Variants in FBXO10 observed in about 807,000 individuals in gnomAD.
The protein encoded by FBXO10 is F-box protein 10, also known as F-box only protein 10.
FBXO10 carries 39 observed loss-of-function variants against 80.7 expected under a neutral mutation model. The observed-to-expected ratio is 0.48, with a 90% CI of 0.37 to 0.63. The LOEUF is 0.63. FBXO10 is among the 30% of genes least tolerant of loss of function. The pLI is 0.00. For synonymous variants in FBXO10, 449 were observed against 489.6 expected (o/e 0.92, Z 1.09); for missense variants, 1,025 against 1,269.0 (o/e 0.81, Z 2.92).
chr9:37,512,599 C>T lies in FBXO10; in HGVS notation c.2819G>A (p.Arg940Gln), dbSNP rs202085012. 64 of 1,613,984 alleles carry T rather than the reference C, an allele frequency of 4.0e-5. No homozygotes were observed. Among genetic ancestry groups the T allele is most frequent in the Admixed American group, 3.2e-4 (19 of 60,028 alleles). ...VTAMATRITA[R>Q]VEGGYHSNRS... ...GTTGCTGTGGTAACCACCTTCCACC[C>T]GGGCTGTGATCCTCGTTGCCATGGC... Residue 940 changes from arginine to glutamine, a missense_variant, in exon 11 of 11, where the codon CGG becomes CAG. Coordinates refer to ENST00000432825, the MANE Select transcript of FBXO10 (RefSeq NM_012166.3).
At chr9:37,548,542 T>G (rs1822114545) in intron 1 of FBXO10, among the ~76,000 whole-genome samples, 2 of 152,194 alleles carry the variant, frequency 1.3e-5, no homozygotes, top group Non-Finnish European at 2.9e-5. Flanking sequence ...CCTTGGTTAA[T>G]AACACCATCA....
intron 4 of FBXO10, 76 bp from the exon 5 acceptor site, chr9:37,529,336 A>C: frequency 6.7e-7 from 1 of 1,490,608 alleles, no homozygotes; most frequent in Admixed American, 2.0e-5. Context: ...TGCCGCCCAC[A>C]CCTCCGCGGC....
Position 37,548,016 on chromosome 9 carries a change from G to A in FBXO10, c.-6-6242C>T, listed in dbSNP as rs367628286. Among the ~76,000 whole-genome samples, 15 of 152,204 alleles carry A rather than the reference G, an allele frequency of 9.9e-5. 2 individuals are homozygous for A. The highest frequency in any genetic ancestry group is 2.4e-4 in the African/African-American group (10 of 41,544). Reference sequence around the variant, plus strand: ...GTGGAGATTAACTGGAAGGGGTTACGAGGGAACTTTAGGGTGAAGGAAATG... The same window carrying A: ...GTGGAGATTAACTGGAAGGGGTTACAAGGGAACTTTAGGGTGAAGGAAATG... On this transcript the variant is annotated intron_variant, in intron 1 of 10. Coordinates refer to ENST00000432825, the MANE Select transcript of FBXO10 (RefSeq NM_012166.3).
At chr9:37,559,238 T>C (rs542809392) in intron 1 of FBXO10, among the ~76,000 whole-genome samples, 2 of 152,312 alleles carry the variant, frequency 1.3e-5, no homozygotes, top group Admixed American at 6.5e-5. Context: ...ACCTCCAGAA[T>C]CAGAATCTCT....
At chr9:37,535,756 G>C (rs1441819386) in intron 3 of FBXO10, among the ~76,000 whole-genome samples, 1 of 152,182 alleles carries the variant, frequency 6.6e-6, no homozygotes, top group Non-Finnish European at 1.5e-5. Flanking sequence ...ACAGCCTTCT[G>C]TGGGGGAGCA....
rs764340788 is a variant in FBXO10 at position 37,521,581 on chromosome 9, T to C, written c.2188A>G (p.Asn730Asp). 3.1e-6 allele frequency: 5 copies of C among 1,610,936 alleles called. No homozygotes were observed. The Admixed American group carries it at 8.4e-5, about 27-fold the overall frequency. The part of the protein sequence containing the change: ...TIALVESNSI[N>D]HNGASGLYVQ... ...GGGGTATACTCACCTCCATTGTGAT[T>C]AATACTGTTAGACTCAACAAGAGCT... is the stretch of plus-strand genomic sequence containing the variant. The change falls in exon 8 of 11, where the codon AAT becomes GAT. Residue 730 changes from asparagine to aspartate, a missense_variant. Transcript: ENST00000432825.
intron 2 of FBXO10, 91 bp from the exon 3 acceptor site, chr9:37,538,034 G>T: frequency 1.0e-6 from 1 of 1,004,036 alleles, no homozygotes; most frequent in Non-Finnish European, 1.5e-6. Context: ...ACATGGAAAG[G>T]CCATTTGTTC....
At chr9:37,559,129 C>A (rs1263121041) in intron 1 of FBXO10, among the ~76,000 whole-genome samples, 6 of 152,162 alleles carry the variant, frequency 3.9e-5, no homozygotes, top group Non-Finnish European at 2.9e-5. Context: ...AATCTTTAAG[C>A]CAGACTTAGT....
At chr9:37,541,873 G>C in intron 1 of FBXO10, 99 bp from the exon 2 acceptor site, 1 of 1,025,816 alleles carries the variant, frequency 9.7e-7, no homozygotes, top group Non-Finnish European at 1.4e-6. Flanking sequence ...TTCTTGCCCA[G>C]GCTGGAGTGC....
rs1380160573 is a variant in FBXO10, at chr9:37,542,127, C to T, written c.-6-353G>A. 3.3e-5 allele frequency among the ~76,000 whole-genome samples: 5 copies of T among 152,106 alleles called. 1 individual carries two copies. The highest frequency in any genetic ancestry group is 4.8e-5 in the African/African-American group (2 of 41,434). Reference sequence around the variant, plus strand: ...TACAGGCGTGAGCCACCACACCCGGCCTCCAGTCCCTTTCTTAAAATACCC... The same window carrying T: ...TACAGGCGTGAGCCACCACACCCGGTCTCCAGTCCCTTTCTTAAAATACCC... On this transcript the variant is annotated intron_variant, in intron 1 of 10. Transcript: ENST00000432825.
intron 4 of FBXO10, among the ~76,000 whole-genome samples, chr9:37,531,112 T>C (rs1821610364): frequency 6.6e-6 from 1 of 152,222 alleles, no homozygotes; most frequent in South Asian, 2.1e-4. Context: ...ATAATAATTC[T>C]TCACAGGGTT....
intron 5 of FBXO10, among the ~76,000 whole-genome samples, chr9:37,525,958 G>T (rs1180654504): frequency 6.6e-6 from 1 of 152,054 alleles, no homozygotes; most frequent in Admixed American, 6.6e-5. Context: ...GCACTCAAGT[G>T]ATCCTCCCAC....
At chr9:37,566,937 C>T (rs1822621206) in intron 1 of FBXO10, among the ~76,000 whole-genome samples, 1 of 152,092 alleles carries the variant, frequency 6.6e-6, no homozygotes, top group South Asian at 2.1e-4. Context: ...GGCTTGGAGC[C>T]ATAAGGACCC....
At chr9:37,552,845 T>C (rs1822236663) in intron 1 of FBXO10, among the ~76,000 whole-genome samples, 1 of 152,246 alleles carries the variant, frequency 6.6e-6, no homozygotes, top group East Asian at 1.9e-4. Context: ...AAAATATGTG[T>C]CTGCACACTG....
chr9:37,523,755 C>T (rs957985386), intron 6 of FBXO10, among the ~76,000 whole-genome samples: 1 of 151,962 alleles, frequency 6.6e-6, no homozygotes, highest in East Asian at 1.9e-4. Flanking sequence ...AACCCCGTCT[C>T]TACTAAAAAT....
intron 1 of FBXO10, among the ~76,000 whole-genome samples, chr9:37,553,916 C>CAAAAAAAAAAA (rs71494669): frequency 7.8e-5 from 5 of 64,322 alleles, no homozygotes; most frequent in Admixed American, 6.0e-4. Flanking sequence ...AAGTCTGCCT[C>CAAAAAAAAAAA]AAAAAAAAAA....
chr9:37,523,674 C>A (rs1452503276), intron 6 of FBXO10, among the ~76,000 whole-genome samples: 2 of 152,196 alleles, frequency 1.3e-5, no homozygotes, highest in African/African-American at 4.8e-5. Context: ...GTAACCCCAG[C>A]ACTTTGGGAG....
At chr9:37,544,723 G>A (rs1822008785) in intron 1 of FBXO10, among the ~76,000 whole-genome samples, 5 of 152,060 alleles carry the variant, frequency 3.3e-5, no homozygotes, top group Admixed American at 3.3e-4. Context: ...GGCCGGGCGC[G>A]GTGGCTCACG....
chr9:37,571,684 T>C (rs1389793480), intron 1 of FBXO10, among the ~76,000 whole-genome samples: 2 of 134,974 alleles, frequency 1.5e-5, no homozygotes, highest in African/African-American at 2.9e-5. Context: ...GGATCGAAGA[T>C]ATCACCATTT....
Sources: gnomAD v4.1 joint callset for allele counts (sites outside exome capture counted in the v4.1 genomes callset) on GRCh38, gnomAD v4.1.1 for gene constraint, MANE v1.5 for transcripts, NCBI Gene and HGNC (gene_info 2026-07-23, HGNC 2026-07-21) for gene names.